The following TMEM41B variants were observed in gnomAD, a reference collection of about 807,000 sequenced individuals.
TMEM41B encodes the protein transmembrane protein 41B, also known as protein stasimon.
Under a neutral mutation model 31.9 loss-of-function variants are expected in TMEM41B, and 18 were observed. That is an observed-to-expected ratio of 0.56 (90% CI 0.39 to 0.84). The LOEUF (loss-of-function observed/expected upper bound fraction) is 0.84. TMEM41B is among the 40% of genes least tolerant of loss of function. TMEM41B has a pLI of 0.00. For synonymous variants in TMEM41B, 144 were observed against 124.3 expected (o/e 1.16, Z -1.05); for missense variants, 322 against 348.0 (o/e 0.93, Z 0.59).
In TMEM41B at chr11:9,283,376, A is replaced by C. The variant is rs1343175060; in HGVS notation, c.*48T>G. 7 of 1,447,810 alleles carry C rather than the reference A, an allele frequency of 4.8e-6. No individual in the cohort carries two copies. In the Admixed American group the frequency reaches 1.0e-4, roughly 22 times the overall value. The allele number at this position is 1,447,810 out of a possible 1,614,324, so 89.7% of individuals were successfully genotyped here. The stretch of plus-strand genomic sequence containing the variant: ...TAAAACATAAATGGATGCACCTGTT[A>C]ATCCTGAGATGGTGATGACAGCAAA... On this transcript the variant is annotated 3_prime_UTR_variant, in exon 7 of 7. Transcript: ENST00000528080.
At chr11:9,305,183 T>C (rs1853357039) in intron 1 of TMEM41B, among the ~76,000 whole-genome samples, 1 of 150,628 alleles carries the variant, frequency 6.6e-6, no homozygotes, top group African/African-American at 2.5e-5. Context: ...TTCAATAAAG[T>C]AGGTAAGGAA....
chr11:9,302,020 T>G (rs1227854166), intron 1 of TMEM41B, among the ~76,000 whole-genome samples: 1 of 150,664 alleles, frequency 6.6e-6, no homozygotes, highest in Non-Finnish European at 1.5e-5. Context: ...TTTTTTTTTT[T>G]TTTTGAGACG....
intron 1 of TMEM41B, among the ~76,000 whole-genome samples, chr11:9,305,080 T>C (rs753920537): frequency 2.0e-5 from 3 of 152,124 alleles, no homozygotes; most frequent in South Asian, 4.1e-4. Context: ...GTATGAGCCA[T>C]AGAACCGGGC....
At chr11:9,286,403 T>TGTTA (rs1852838041) in intron 6 of TMEM41B, 52 bp downstream of exon 6, 1 of 1,550,776 alleles carries the variant, frequency 6.4e-7, no homozygotes, top group Non-Finnish European at 8.7e-7. Context: ...AGCTGGACAC[T>TGTTA]GTTAGATATG....
chr11:9,294,543 G>C (rs1853039908), intron 3 of TMEM41B, among the ~76,000 whole-genome samples: 2 of 148,890 alleles, frequency 1.3e-5, no homozygotes, highest in Non-Finnish European at 3.0e-5. Context: ...ACAACATCAA[G>C]AAGTAAATTA....
chr11:9,310,006 T>C (rs1215211125), intron 1 of TMEM41B, among the ~76,000 whole-genome samples: 1 of 151,996 alleles, frequency 6.6e-6, no homozygotes, highest in Admixed American at 6.6e-5. Flanking sequence ...TTCAATCTTT[T>C]TTGATTGTGT....
At chr11:9,287,914 G>T in intron 4 of TMEM41B, 108 bp from the exon 5 acceptor site, 1 of 803,576 alleles carries the variant, frequency 1.2e-6, no homozygotes, top group Non-Finnish European at 2.0e-6. Flanking sequence ...CAGAGGTGGG[G>T]AGGGTACTCT....
At chr11:9,311,720 C>T (rs1840129438) in intron 1 of TMEM41B, 3 of 730,276 alleles carry the variant, frequency 4.1e-6, no homozygotes, top group South Asian at 2.9e-5. Flanking sequence ...CTTTCCACTG[C>T]TGCCTGGGCT....
intron 1 of TMEM41B, chr11:9,311,173 G>T: frequency 7.9e-7 from 1 of 1,264,138 alleles, no homozygotes; most frequent in Non-Finnish European, 1.1e-6. Flanking sequence ...GCGGGGGTAG[G>T]GTGTGGGGAG....
At chr11:9,296,049 G>T (rs1010777675) in intron 2 of TMEM41B, among the ~76,000 whole-genome samples, 1 of 148,078 alleles carries the variant, frequency 6.8e-6, no homozygotes, top group Non-Finnish European at 1.5e-5. Context: ...TAGAGACGGG[G>T]TTTCACCATG....
In TMEM41B at chr11:9,305,979, C is replaced by CTTT. The variant is rs746744551; in HGVS notation, c.122-6281_122-6279dup. 3.2e-4 allele frequency among the ~76,000 whole-genome samples: 38 copies of CTTT among 117,974 alleles called. 2 individuals carry two copies. The highest frequency in any genetic ancestry group is 8.4e-4 in the East Asian group (3 of 3,564). The allele number at this position is 117,974 out of a possible 152,430, so 77.4% of individuals were successfully genotyped here. A position where few individuals can be genotyped will look rare whatever the true frequency, so the allele number is the denominator to read the frequency against. ...TACAGCTACTTACACCAGCACTTTT[C>CTTT]TTTTTTTTTTTTTTTTTGAGACAGA... On this transcript the variant is annotated intron_variant, in intron 1 of 6. Transcript: ENST00000528080.
rs1409982039 is a variant in TMEM41B at position 9,282,374 on chromosome 11, C to T, written c.*1050G>A. On this transcript the variant is annotated 3_prime_UTR_variant, in exon 7 of 7. Coordinates refer to ENST00000528080, the MANE Select transcript of TMEM41B (RefSeq NM_015012.4). ...TCCAGCCTGGGCAACAGCAAGACTCCGTCTCAAAAAAAAAAAAAATTATCA... is the reference window on the plus strand; with the variant it reads ...TCCAGCCTGGGCAACAGCAAGACTCTGTCTCAAAAAAAAAAAAAATTATCA... The T allele has an allele frequency of 2.7e-5, 4 of 148,704 alleles. No homozygotes were observed. The highest frequency in any genetic ancestry group is 1.4e-4 in the Admixed American group (2 of 14,488). The allele number at this position is 148,704 out of a possible 1,614,324, so 9.2% of individuals were successfully genotyped here.
At chr11:9,300,741 G>A (rs577630391) in intron 1 of TMEM41B, among the ~76,000 whole-genome samples, 9 of 152,098 alleles carry the variant, frequency 5.9e-5, no homozygotes, top group African/African-American at 2.2e-4. Flanking sequence ...AGCTGGGCAT[G>A]GTGGCAGGCG....
At chr11:9,299,008 C>T (rs1853170461) in intron 2 of TMEM41B, among the ~76,000 whole-genome samples, 1 of 151,930 alleles carries the variant, frequency 6.6e-6, no homozygotes, top group African/African-American at 2.4e-5. Flanking sequence ...AGGCTGGGCA[C>T]AGTGGCTCAA....
chr11:9,314,425 A>T lies in TMEM41B; in HGVS notation c.17T>A (p.Val6Asp). ...AGCGCCCAACTGCGATCGTTCGGCG[A>T]CTCTGCCTTTCGCCATGGCTGCTGC... is the stretch of plus-strand genomic sequence containing the variant. MAKGR[V>D]AERSQLGAHH... The change falls in exon 1 of 7, where the codon GTC becomes GAC. Residue 6 changes from valine (V) to aspartate (D), a missense_variant. Physicochemically the swap from Val to Asp is radical, Grantham distance 152 (BLOSUM62 -3). This residue lies in a region of TMEM41B where 183 missense variants were observed against 175.3 expected (regional missense o/e 1.04). Transcript: ENST00000528080. 1.3e-6 allele frequency: 2 copies of T among 1,559,824 alleles called. No individual in the cohort carries two copies. The highest frequency in any genetic ancestry group is 1.7e-6 in the Non-Finnish European group (2 of 1,151,556).
chr11:9,296,656 T>TAAATTA (rs913203789), intron 2 of TMEM41B, among the ~76,000 whole-genome samples: 5 of 151,372 alleles, frequency 3.3e-5, no homozygotes, highest in African/African-American at 1.2e-4. Context: ...CTGATGTTAG[T>TAAATTA]AAATTAAAAA....
chr11:9,314,082 G>A (rs535134393), intron 1 of TMEM41B, among the ~76,000 whole-genome samples: 2 of 152,196 alleles, frequency 1.3e-5, no homozygotes, highest in Non-Finnish European at 2.9e-5. Context: ...ACAAGCCAGT[G>A]TCATCCCTTC....
At chr11:9,307,561 G>A (rs1035640551) in intron 1 of TMEM41B, among the ~76,000 whole-genome samples, 1 of 151,670 alleles carries the variant, frequency 6.6e-6, no homozygotes. Context: ...TCCTGCCTTA[G>A]CCTCCCAAGT....
At chr11:9,292,150 C>CT (rs920894115) in intron 3 of TMEM41B, among the ~76,000 whole-genome samples, 9 of 152,160 alleles carry the variant, frequency 5.9e-5, no homozygotes, top group Non-Finnish European at 1.0e-4. Context: ...AGCATAGGGT[C>CT]TTTATTTTTT....
Sources: gnomAD v4.1 joint callset for allele counts (sites outside exome capture counted in the v4.1 genomes callset) on GRCh38, gnomAD v4.1.1 for gene constraint, gnomAD v4.1.1 regional missense constraint, MANE v1.5 for transcripts, NCBI Gene and HGNC (gene_info 2026-07-23, HGNC 2026-07-21) for gene names.